Variants in NOS1AP observed in about 807,000 individuals in gnomAD.
The protein encoded by NOS1AP is nitric oxide synthase 1 adaptor protein, also known as carboxyl-terminal PDZ ligand of neuronal nitric oxide synthase protein.
NOS1AP carries 21 observed loss-of-function variants against 56.2 expected under a neutral mutation model. That is an observed-to-expected ratio of 0.37 (90% confidence interval 0.26 to 0.54). NOS1AP has a LOEUF of 0.54. Among genes scored for constraint, NOS1AP ranks in the 20% least tolerant of loss-of-function variants. NOS1AP has a pLI of 0.84. For missense variants in NOS1AP, 522 were observed against 657.8 expected (o/e 0.79, Z 2.26); for synonymous variants, 270 against 274.6 (o/e 0.98, Z 0.17).
intron 2 of NOS1AP, among the ~76,000 whole-genome samples, chr1:162,200,953 C>T (rs779183587): frequency 1.1e-4 from 16 of 152,120 alleles, no homozygotes; most frequent in Non-Finnish European, 1.8e-4. Context: ...AGGTTTGTTA[C>T]GTAGGTAAAC....
At chr1:162,085,739 A>T (rs1157822814) in intron 1 of NOS1AP, among the ~76,000 whole-genome samples, 2 of 152,184 alleles carry the variant, frequency 1.3e-5, no homozygotes, top group African/African-American at 2.4e-5. Flanking sequence ...CCAGAGAGAG[A>T]TGAGACAAGA....
At position 162,188,656 on chromosome 1, in the gene NOS1AP, T is replaced by C. The variant is rs1466358010; in HGVS notation, c.177+34180T>C. Among the ~76,000 whole-genome samples the C allele has an allele frequency of 1.3e-5, 2 of 152,190 alleles. No individual in the cohort carries two copies. Among genetic ancestry groups the C allele is most frequent in the Admixed American group, 6.5e-5 (1 of 15,280 alleles). On this transcript the variant is annotated intron_variant, in intron 2 of 9. Transcript: ENST00000361897. This position sits in a 1 kb window ranked among gnomAD's most constrained non-coding sequence, Gnocchi z 4.0. ...AGGTGCTTTGAATGTGGGCTGCATG[T>C]GTAGTGGTCTTATGTGCCTTCCTTG...
At chr1:162,267,475 G>C (rs986247456) in intron 2 of NOS1AP, among the ~76,000 whole-genome samples, 2 of 144,612 alleles carry the variant, frequency 1.4e-5, no homozygotes, top group Non-Finnish European at 3.2e-5. Flanking sequence ...CTTTTTACAA[G>C]ACAGAAGGGC....
Position 162,070,056 on chromosome 1 carries a change from C to A in NOS1AP, c.-122C>A. The A allele has an allele frequency of 1.4e-6, 1 of 718,922 alleles. No homozygotes were observed. The highest frequency in any genetic ancestry group is 2.3e-6 in the Non-Finnish European group (1 of 433,474). The allele number at this position is 718,922 out of a possible 1,614,324, so 44.5% of individuals were successfully genotyped here. ...CGCCGCGCGGCCAGGGCTCCCCCTG[C>A]CCAGCGCTCCCAGGCCCCGCCACGC... On this transcript the variant is annotated 5_prime_UTR_variant, in exon 1 of 10. Coordinates refer to ENST00000361897, the MANE Select transcript of NOS1AP (RefSeq NM_014697.3).
At chr1:162,137,925 A>C (rs1649072184) in intron 1 of NOS1AP, among the ~76,000 whole-genome samples, 1 of 152,116 alleles carries the variant, frequency 6.6e-6, no homozygotes, top group Admixed American at 6.5e-5. Flanking sequence ...GTGTGTATGT[A>C]AGCATATATG....
chr1:162,281,131 G>A (rs2101730196), intron 2 of NOS1AP, among the ~76,000 whole-genome samples: 1 of 152,258 alleles, frequency 6.6e-6, no homozygotes, highest in South Asian at 2.1e-4. Context: ...AGCTCTACAG[G>A]ATTTCATTTT....
chr1:162,251,862 T>TG (rs2101693331), intron 2 of NOS1AP, among the ~76,000 whole-genome samples: 1 of 98,120 alleles, frequency 1.0e-5, no homozygotes, highest in African/African-American at 3.3e-5. Flanking sequence ...TAGTTGTTTT[T>TG]TTTTTTGTTT....
intron 2 of NOS1AP, among the ~76,000 whole-genome samples, chr1:162,261,872 T>C (rs180878458): frequency 3.5e-4 from 53 of 152,288 alleles, no homozygotes; most frequent in African/African-American, 1.2e-3. Flanking sequence ...TGTAATCCAG[T>C]GTATTAGGTA....
chr1:162,364,936 T>C, intron 8 of NOS1AP: 1 of 1,023,698 alleles, frequency 9.8e-7, no homozygotes, highest in Non-Finnish European at 1.2e-6. Flanking sequence ...AGTGGGTCAA[T>C]AGATGAGTTT....
At chr1:162,104,659 TA>T (rs1647428851) in intron 1 of NOS1AP, among the ~76,000 whole-genome samples, 2 of 152,254 alleles carry the variant, frequency 1.3e-5, no homozygotes, top group African/African-American at 4.8e-5. Flanking sequence ...TTCAGAAAGG[TA>T]GTCTCTGAGA....
chr1:162,184,851 AT>A (rs1352154367), intron 2 of NOS1AP, among the ~76,000 whole-genome samples: 1 of 152,208 alleles, frequency 6.6e-6, no homozygotes, highest in Non-Finnish European at 1.5e-5. Context: ...TGAATAATCA[AT>A]ATAGTCTGTT....
intron 2 of NOS1AP, among the ~76,000 whole-genome samples, chr1:162,162,827 GC>G (rs1650289368): frequency 6.6e-6 from 1 of 151,888 alleles, no homozygotes; most frequent in Non-Finnish European, 1.5e-5. Flanking sequence ...CATATAACTC[GC>G]CCATTTAAAT....
chr1:162,309,281 C>T (rs977051522), intron 4 of NOS1AP, among the ~76,000 whole-genome samples: 4 of 151,608 alleles, frequency 2.6e-5, no homozygotes, highest in Non-Finnish European at 5.9e-5. Flanking sequence ...TATCAAACTA[C>T]AAGCAAGGTA....
intron 4 of NOS1AP, among the ~76,000 whole-genome samples, chr1:162,320,063 C>T (rs993491868): frequency 6.6e-6 from 1 of 152,166 alleles, no homozygotes; most frequent in Admixed American, 6.5e-5. Context: ...TTGCCACACC[C>T]TGTCTGTACC....
intron 2 of NOS1AP, among the ~76,000 whole-genome samples, chr1:162,161,240 C>T (rs1411880239): frequency 1.3e-5 from 2 of 152,146 alleles, no homozygotes; most frequent in African/African-American, 4.8e-5. Flanking sequence ...TGTGAGGTAA[C>T]ACATTCATAG....
chr1:162,161,968 T>C (rs1237719167), intron 2 of NOS1AP, among the ~76,000 whole-genome samples: 1 of 152,246 alleles, frequency 6.6e-6, no homozygotes, highest in African/African-American at 2.4e-5. Flanking sequence ...TACATCAGTG[T>C]TTCTCAGAAT....
chr1:162,115,355 T>A (rs945670896), intron 1 of NOS1AP, among the ~76,000 whole-genome samples: 1 of 152,062 alleles, frequency 6.6e-6, no homozygotes, highest in African/African-American at 2.4e-5. Flanking sequence ...AGCTATGTGA[T>A]GATGGGTAAA....
chr1:162,074,002 C>T (rs978166489), intron 1 of NOS1AP, among the ~76,000 whole-genome samples: 1 of 152,156 alleles, frequency 6.6e-6, no homozygotes, highest in African/African-American at 2.4e-5. Flanking sequence ...GAGAAAGAGA[C>T]TTTTAATGCT....
chr1:162,106,574 A>C (rs969219529), intron 1 of NOS1AP, among the ~76,000 whole-genome samples: 9 of 152,268 alleles, frequency 5.9e-5, no homozygotes, highest in African/African-American at 2.2e-4. Flanking sequence ...ACTGTTCAGC[A>C]GTAGACCCTT....
Sources: gnomAD v4.1 joint callset for allele counts (sites outside exome capture counted in the v4.1 genomes callset) on GRCh38, gnomAD v4.1.1 for gene constraint, Gnocchi (gnomAD v3.1) non-coding constraint, MANE v1.5 for transcripts, NCBI Gene and HGNC (gene_info 2026-07-23, HGNC 2026-07-21) for gene names.